The following PPP2R3C variants were observed in gnomAD, a reference collection of about 807,000 sequenced individuals.
PPP2R3C encodes serine/threonine-protein phosphatase 2A regulatory subunit B'' subunit gamma.
PPP2R3C carries 47 observed loss-of-function variants against 63.7 expected under a neutral mutation model. That is an observed-to-expected ratio of 0.74 (90% CI 0.58 to 0.94). PPP2R3C has a LOEUF of 0.94. Ranked by LOEUF, PPP2R3C falls within the 40% of genes least tolerant of loss-of-function variation. The pLI, the probability that PPP2R3C is intolerant of heterozygous loss-of-function variation, is 0.00. For missense variants in PPP2R3C, 421 were observed against 518.4 expected, an observed-to-expected ratio of 0.81 and a Z score of 1.82; for synonymous variants, 180 against 177.4, an observed-to-expected ratio of 1.01 and a Z score of -0.12.
intron 2 of PPP2R3C, among the ~76,000 whole-genome samples, chr14:35,112,553 G>C (rs981159974): frequency 6.6e-6 from 1 of 152,304 alleles, no homozygotes; most frequent in Admixed American, 6.5e-5. Flanking sequence ...AGAAGGAACA[G>C]AGTTAAAGGA....
chr14:35,121,822 G>T, intron 1 of PPP2R3C, 80 bp downstream of exon 1: 1 of 1,488,752 alleles, frequency 6.7e-7, no homozygotes, highest in Non-Finnish European at 9.3e-7. Flanking sequence ...GCTCCCCCTT[G>T]CTCCTCCTCC....
intron 5 of PPP2R3C, 185 bp downstream of exon 5, chr14:35,107,954 G>A (rs2046414604): frequency 1.6e-6 from 1 of 637,914 alleles, no homozygotes; most frequent in Non-Finnish European, 2.4e-6. Context: ...GACACATGAG[G>A]GTTTAAAAAA....
rs189675670 is a variant in PPP2R3C at position 35,088,727 on chromosome 14, C to G, written c.1114-717G>C. Among the ~76,000 whole-genome samples the G allele has an allele frequency of 2.0e-4, 31 of 152,286 alleles. 1 individual carries two copies. The highest frequency in any genetic ancestry group is 4.3e-4 in the Non-Finnish European group (29 of 68,022). On this transcript the variant is annotated intron_variant, in intron 11 of 12. Transcript: ENST00000261475. ...TTAATATAGTAATAGATGGTATGAT[C>G]TAGAGTGAATCATCCAGACCCAGCT...
intron 1 of PPP2R3C, among the ~76,000 whole-genome samples, chr14:35,117,866 G>T (rs544459718): frequency 1.8e-3 from 269 of 152,130 alleles, no homozygotes; most frequent in African/African-American, 6.2e-3. Context: ...GGCTAATTTT[G>T]TATTTTTAGT....
chr14:35,095,025 T>G (rs372312834), intron 10 of PPP2R3C, 23 bp downstream of exon 10: 2 of 1,589,844 alleles, frequency 1.3e-6, no homozygotes, highest in Non-Finnish European at 1.7e-6. Flanking sequence ...TTTTAAAACT[T>G]AGCAGCAGAT....
At position 35,110,113 on chromosome 14, in the gene PPP2R3C, C is replaced by T. The variant is rs139068345; in HGVS notation, c.292-182G>A. The T allele has an allele frequency of 2.5e-4, 137 of 537,376 alleles. 1 individual carries two copies. The Admixed American group carries it at 4.3e-3, about 17-fold the overall frequency. 33.3% of individuals were successfully genotyped at this position (537,376 alleles called of 1,614,324 possible). On this transcript the variant is annotated intron_variant, in intron 3 of 12. Transcript: ENST00000261475. The stretch of plus-strand genomic sequence containing the variant: ...AAAAATAACATTTATTGAGTGCCTA[C>T]TAAGCTTTTGATATACACTGCCTCT...
chr14:35,120,308 ATC>A (rs2138730978), intron 1 of PPP2R3C, among the ~76,000 whole-genome samples: 1 of 151,714 alleles, frequency 6.6e-6, no homozygotes, highest in African/African-American at 2.4e-5. Context: ...CAGTGGCACA[ATC>A]TCGGGCTCAC....
chr14:35,120,410 A>C (rs898185074), intron 1 of PPP2R3C, among the ~76,000 whole-genome samples: 2 of 150,580 alleles, frequency 1.3e-5, no homozygotes, highest in African/African-American at 4.9e-5. Flanking sequence ...ACTACCGGGT[A>C]ATTTTTTTGT....
At chr14:35,092,856 G>C (rs1307473040) in intron 10 of PPP2R3C, among the ~76,000 whole-genome samples, 1 of 152,106 alleles carries the variant, frequency 6.6e-6, no homozygotes, top group Non-Finnish European at 1.5e-5. Flanking sequence ...GAGATTGCCA[G>C]ACATTTTACA....
Position 35,087,996 on chromosome 14 carries a change from T to C in PPP2R3C, c.1128A>G (p.Leu376=), listed in dbSNP as rs201776446. ...CAGGATCTTGTCCATGGATTTTCAT[T>C]AGTTCCTGTATGGCCTGTATTTAAT... ...LNYFFRAIQE[L]MKIHGQDPVS... The change falls in exon 12 of 13, where the codon CTA becomes CTG. Residue 376 remains leucine, a synonymous_variant. Transcript: ENST00000261475. 1 of 1,596,468 alleles carries C rather than the reference T, an allele frequency of 6.3e-7. No homozygotes were observed. Among genetic ancestry groups the C allele is most frequent in the African/African-American group, 1.3e-5 (1 of 74,662 alleles).
chr14:35,114,422 A>C (rs2138709712), intron 2 of PPP2R3C, among the ~76,000 whole-genome samples: 1 of 152,328 alleles, frequency 6.6e-6, no homozygotes, highest in South Asian at 2.1e-4. Flanking sequence ...CACTTGAAGA[A>C]ATATTTCAGT....
chr14:35,107,950 T>C, intron 5 of PPP2R3C, 189 bp downstream of exon 5: 2 of 606,366 alleles, frequency 3.3e-6, no homozygotes, highest in Non-Finnish European at 5.2e-6. Flanking sequence ...TTAAGACACA[T>C]GAGGGTTTAA....
chr14:35,121,346 C>A (rs2138739782), intron 1 of PPP2R3C, among the ~76,000 whole-genome samples: 1 of 151,988 alleles, frequency 6.6e-6, no homozygotes, highest in Admixed American at 6.6e-5. Context: ...CACTGCACTC[C>A]AGCCAGCCTG....
intron 2 of PPP2R3C, among the ~76,000 whole-genome samples, chr14:35,111,432 T>C (rs1383125505): frequency 6.6e-6 from 1 of 152,208 alleles, no homozygotes; most frequent in East Asian, 1.9e-4. Context: ...TGGGCCAAGA[T>C]ATTAATAAAT....
chr14:35,100,773 C>G (rs2138653144), intron 6 of PPP2R3C: 1 of 152,208 alleles, frequency 6.6e-6, no homozygotes, highest in Non-Finnish European at 1.5e-5. Flanking sequence ...GCTGGGACCA[C>G]AGAGATGCAC....
At chr14:35,114,964 G>A (rs1438778848) in intron 2 of PPP2R3C, among the ~76,000 whole-genome samples, 4 of 151,840 alleles carry the variant, frequency 2.6e-5, no homozygotes, top group South Asian at 2.1e-4. Flanking sequence ...ATTGCACTCC[G>A]GCCTGGGCAA....
chr14:35,112,242 A>G (rs1296833895), intron 2 of PPP2R3C, among the ~76,000 whole-genome samples: 1 of 152,158 alleles, frequency 6.6e-6, no homozygotes, highest in Admixed American at 6.5e-5. Flanking sequence ...TTCCAACCTG[A>G]CTTAGAACAA....
At chr14:35,119,739 G>A (rs1046054632) in intron 1 of PPP2R3C, among the ~76,000 whole-genome samples, 5 of 151,112 alleles carry the variant, frequency 3.3e-5, no homozygotes, top group African/African-American at 1.2e-4. Context: ...AAAATCTGAT[G>A]ATGTAGGAAA....
In PPP2R3C at chr14:35,099,313, G is replaced by A. The variant is rs562336564; in HGVS notation, c.645C>T (p.Tyr215=). ...TAACTGCTGTACAAACATAAAAGGA[G>A]TAGAAAGATTTTTCCAGACCATCTA... ...PQLDGLEKSF[Y]SFYVCTAVRK... Residue 215 remains tyrosine (Y), a synonymous_variant, in exon 7 of 13, where the codon TAC becomes TAT. Transcript: ENST00000261475. 1.1e-4 allele frequency: 169 copies of A among 1,604,416 alleles called. No homozygotes were observed. The highest frequency in any genetic ancestry group is 3.9e-4 in the Admixed American group (22 of 56,838).
Sources: allele counts gnomAD v4.1 joint callset (sites outside exome capture counted in the v4.1 genomes callset), GRCh38; gene constraint gnomAD v4.1.1; transcripts MANE v1.5; gene names NCBI Gene and HGNC (gene_info 2026-07-23, HGNC 2026-07-21).